The following CYFIP2 variants were observed in gnomAD, a reference collection of about 807,000 sequenced individuals.
CYFIP2 encodes cytoplasmic FMR1-interacting protein 2.
A neutral mutation model predicts 158.7 loss-of-function variants in CYFIP2; 29 were observed. The ratio of observed to expected loss-of-function variants is 0.18; its 90% confidence interval spans 0.14 to 0.25. The LOEUF (loss-of-function observed/expected upper bound fraction) is 0.25. CYFIP2 is among the 10% of genes least tolerant of loss of function. The pLI, the probability that CYFIP2 is intolerant of heterozygous loss-of-function variation, is 1.00. For synonymous variants in CYFIP2, 585 were observed against 617.6 expected (o/e 0.95, Z 0.78); for missense variants, 852 against 1,639.5 (o/e 0.52, Z 8.29).
At chr5:157,381,926 A>G (rs76992696) in intron 26 of CYFIP2, among the ~76,000 whole-genome samples, 456 of 150,838 alleles carry the variant, frequency 3.0e-3, no homozygotes, top group African/African-American at 0.011. Context: ...TTTGTTCTGA[A>G]ATCCAGGGAT....
chr5:157,380,950 C>T (rs1355884100), intron 26 of CYFIP2, among the ~76,000 whole-genome samples: 2 of 152,208 alleles, frequency 1.3e-5, no homozygotes, highest in Non-Finnish European at 2.9e-5. Context: ...CGCAGTGGCT[C>T]ACACCTGTAA....
intron 26 of CYFIP2, among the ~76,000 whole-genome samples, chr5:157,367,653 GTTT>G (rs1195560483): frequency 1.4e-5 from 2 of 147,962 alleles, no homozygotes; most frequent in African/African-American, 5.0e-5. Flanking sequence ...TCCTCTAATT[GTTT>G]TATTACATAA....
At position 157,336,051 on chromosome 5, in the gene CYFIP2, A is replaced by T. The variant is rs183107875; in HGVS notation, c.2385+2605A>T. On this transcript the variant is annotated intron_variant, in intron 21 of 30. Coordinates refer to ENST00000620254, the MANE Select transcript of CYFIP2 (RefSeq NM_001037333.3). Reference sequence around the variant, plus strand: ...GGAAGCCCATGAAGAGACCTCAGGGAAGCGCTCTCCGATGGGTCTGGATGG... The same window carrying T: ...GGAAGCCCATGAAGAGACCTCAGGGTAGCGCTCTCCGATGGGTCTGGATGG... 2.6e-3 allele frequency among the ~76,000 whole-genome samples: 400 copies of T among 152,240 alleles called. 2 individuals are homozygous for T. The highest frequency in any genetic ancestry group is 9.3e-3 in the African/African-American group (388 of 41,538).
chr5:157,383,181 C>T (rs1766302357), intron 27 of CYFIP2, 84 bp from the exon 28 acceptor site: 2 of 1,181,050 alleles, frequency 1.7e-6, no homozygotes, highest in Non-Finnish European at 2.5e-6. Flanking sequence ...GCAGATACAT[C>T]ATCAGGTCCT....
intron 17 of CYFIP2, 58 bp downstream of exon 17, chr5:157,325,696 G>T: frequency 6.6e-7 from 1 of 1,506,070 alleles, no homozygotes; most frequent in Non-Finnish European, 8.9e-7. Flanking sequence ...AGGGCAGTTT[G>T]CCAGGGAGAT....
chr5:157,389,456 AC>A, intron 29 of CYFIP2, 29 bp downstream of exon 29: 1 of 1,515,842 alleles, frequency 6.6e-7, no homozygotes. Flanking sequence ...AGGCAGGGTT[AC>A]CCCCAACCTG....
intron 1 of CYFIP2, among the ~76,000 whole-genome samples, chr5:157,273,497 AGGGGCAGGG>A (rs1421297598): frequency 6.6e-6 from 1 of 152,180 alleles, no homozygotes; most frequent in Non-Finnish European, 1.5e-5. Flanking sequence ...CAAAACAGGC[AGGGGCAGGG>A]GGAGGGAACA....
chr5:157,389,573 T>C (rs914156023), intron 29 of CYFIP2, 146 bp downstream of exon 29: 6 of 699,950 alleles, frequency 8.6e-6, no homozygotes, highest in Admixed American at 6.0e-5. Flanking sequence ...TTGAGCTGAC[T>C]GCATTGGCAA....
chr5:157,386,494 G>T (rs1477827290), intron 28 of CYFIP2, among the ~76,000 whole-genome samples: 2 of 152,158 alleles, frequency 1.3e-5, no homozygotes, highest in African/African-American at 4.8e-5. Context: ...GATGCACACG[G>T]ATCAACTTTC....
In CYFIP2 at chr5:157,341,058, T is replaced by C. The variant is rs748523729; in HGVS notation, c.2586-12T>C. 1 of 1,612,938 alleles carries C rather than the reference T, an allele frequency of 6.2e-7. No individual in the cohort carries two copies. Among genetic ancestry groups the C allele is most frequent in the Admixed American group, 1.7e-5 (1 of 60,020 alleles). On this transcript the variant is annotated splice_polypyrimidine_tract_variant and intron_variant, in intron 22 of 30. Transcript: ENST00000620254. The stretch of plus-strand genomic sequence containing the variant: ...CCATATTAACTCTTTCCCATCCCTA[T>C]GCTTCTACTAGTTTTGTGCGGACTG...
At position 157,339,375 on chromosome 5, in the gene CYFIP2, C is replaced by T. The variant is rs188234892; in HGVS notation, c.2585+119C>T. The T allele has an allele frequency of 7.1e-6, 6 of 847,922 alleles. No individual in the cohort carries two copies. In the Admixed American group the frequency reaches 1.2e-4, roughly 17 times the overall value. The allele number at this position is 847,922 out of a possible 1,614,324, so 52.5% of individuals were successfully genotyped here. ...TCCTGCAACAGGTGTCTCTCAGAGC[C>T]CCTCCTGGGCACAGGCTTTGTGCTG... On this transcript the variant is annotated intron_variant, in intron 22 of 30. Coordinates refer to ENST00000620254, the MANE Select transcript of CYFIP2 (RefSeq NM_001037333.3).
At chr5:157,362,600 C>G (rs1162189261) in intron 26 of CYFIP2, 1 of 152,226 alleles carries the variant, frequency 6.6e-6, no homozygotes, top group Non-Finnish European at 1.5e-5. Context: ...GGGTTCCCTG[C>G]TCCATCTCAC....
chr5:157,370,848 A>G (rs1377415421), intron 26 of CYFIP2, among the ~76,000 whole-genome samples: 2 of 152,228 alleles, frequency 1.3e-5, no homozygotes, highest in African/African-American at 4.8e-5. Flanking sequence ...CCCCTTGACA[A>G]TTCAGGGGAC....
intron 23 of CYFIP2, among the ~76,000 whole-genome samples, chr5:157,353,804 G>C (rs1286145006): frequency 1.3e-5 from 2 of 152,214 alleles, no homozygotes; most frequent in Non-Finnish European, 2.9e-5. Flanking sequence ...ATTAGGAACA[G>C]TTTAATTCCT....
chr5:157,353,544 A>G (rs765909772), intron 23 of CYFIP2, among the ~76,000 whole-genome samples: 1 of 152,216 alleles, frequency 6.6e-6, no homozygotes, highest in East Asian at 1.9e-4. Context: ...ACATAGACAC[A>G]TTAGTAGTTT....
intron 26 of CYFIP2, among the ~76,000 whole-genome samples, chr5:157,369,481 G>A (rs1215800920): frequency 6.6e-6 from 1 of 152,134 alleles, no homozygotes; most frequent in Admixed American, 6.5e-5. Flanking sequence ...TCAGGGGAGG[G>A]ACATTTCAGC....
intron 29 of CYFIP2, among the ~76,000 whole-genome samples, chr5:157,390,289 T>G (rs1432142133): frequency 6.6e-6 from 1 of 152,014 alleles, no homozygotes; most frequent in Non-Finnish European, 1.5e-5. Context: ...TTTTTTTACA[T>G]TAGTGATGCA....
chr5:157,388,860 A>G (rs1433805704), intron 28 of CYFIP2, among the ~76,000 whole-genome samples: 2 of 152,228 alleles, frequency 1.3e-5, no homozygotes, highest in African/African-American at 4.8e-5. Context: ...AGCTAGTAGT[A>G]ATTATAGTAG....
chr5:157,315,474 A>C (rs6883169), intron 13 of CYFIP2, among the ~76,000 whole-genome samples: 1 of 152,032 alleles, frequency 6.6e-6, no homozygotes, highest in Non-Finnish European at 1.5e-5. Flanking sequence ...GAGATTTGAC[A>C]GCTGGATGAT....
Sources: gnomAD v4.1 joint callset for allele counts (sites outside exome capture counted in the v4.1 genomes callset) on GRCh38, gnomAD v4.1.1 for gene constraint, MANE v1.5 for transcripts, NCBI Gene and HGNC (gene_info 2026-07-23, HGNC 2026-07-21) for gene names.